The following FBXW4 variants were observed in gnomAD, a reference collection of about 807,000 sequenced individuals.
FBXW4 encodes F-box/WD repeat-containing protein 4.
A neutral mutation model predicts 61.8 loss-of-function variants in FBXW4; 40 were observed. That is an observed-to-expected ratio of 0.65 (90% CI 0.50 to 0.84). FBXW4 has a LOEUF of 0.84. Among genes scored for constraint, FBXW4 ranks in the 40% least tolerant of loss-of-function variants. The probability of loss-of-function intolerance (pLI) is 0.00; values close to 1 mark genes in which losing one functional copy is unlikely to be tolerated. For synonymous variants in FBXW4, 311 were observed against 313.8 expected, an observed-to-expected ratio of 0.99 and a Z score of 0.10; for missense variants, 672 against 753.8, an observed-to-expected ratio of 0.89 and a Z score of 1.27.
intron 6 of FBXW4, among the ~76,000 whole-genome samples, chr10:101,619,541 C>T (rs2063851545): frequency 6.6e-6 from 1 of 152,166 alleles, no homozygotes; most frequent in South Asian, 2.1e-4. Context: ...CACCTGTAGT[C>T]CCAGCTACTC....
chr10:101,627,282 A>G (rs1032100920), intron 5 of FBXW4, among the ~76,000 whole-genome samples: 5 of 152,086 alleles, frequency 3.3e-5, no homozygotes, highest in African/African-American at 1.2e-4. Context: ...ACCACTATGA[A>G]TCAAGGAGAA....
rs2064429980 is a variant in FBXW4 at position 101,677,804 on chromosome 10, AAAG to A, written c.726-1371_726-1369del. On this transcript the variant is annotated intron_variant, in intron 1 of 8. Coordinates refer to ENST00000331272, the MANE Select transcript of FBXW4 (RefSeq NM_022039.4). ...CCCTCTCTAAAAAAAAAAAAAGAGA[AAAG>A]AAATACATCAAATGATACACAAGAT... 2.0e-5 allele frequency among the ~76,000 whole-genome samples: 3 copies of A among 152,170 alleles called. No homozygotes were observed. In the South Asian group the frequency reaches 6.2e-4, roughly 32 times the overall value.
intron 5 of FBXW4, among the ~76,000 whole-genome samples, chr10:101,639,911 T>C (rs1017655872): frequency 2.6e-5 from 4 of 152,222 alleles, no homozygotes; most frequent in African/African-American, 9.6e-5. Context: ...GAGCCAAATA[T>C]TCTGTTTTAT....
At chr10:101,655,395 GT>G (rs1024321826) in intron 5 of FBXW4, among the ~76,000 whole-genome samples, 4 of 152,090 alleles carry the variant, frequency 2.6e-5, no homozygotes, top group Non-Finnish European at 2.9e-5. Context: ...ATAATTTGTG[GT>G]TTTTTTTCCT....
chr10:101,611,487 C>A lies in FBXW4; in HGVS notation c.1585-77G>T. On this transcript the variant is annotated intron_variant, in intron 8 of 8. Transcript: ENST00000331272. The surrounding 1 kb of genome is among the most constrained non-coding windows in gnomAD (Gnocchi z 4.9). ...TGTGCCCTAACCCAGGATCCCCAGG[C>A]CCAGGGGAAGAGGGACGTGTGCCAT... 6.4e-7 allele frequency: 1 copy of A among 1,572,434 alleles called. No homozygotes were observed. Among genetic ancestry groups the A allele is most frequent in the East Asian group, 2.3e-5 (1 of 44,318 alleles).
chr10:101,695,171 G>T, upstream of FBXW4: 1 of 985,458 alleles, frequency 1.0e-6, no homozygotes, highest in Non-Finnish European at 1.2e-6. This position sits in a 1 kb window ranked among gnomAD's most constrained non-coding sequence, Gnocchi z 4.2. Flanking sequence ...GCCCCGGGAG[G>T]AGGCGACACC....
intron 5 of FBXW4, among the ~76,000 whole-genome samples, chr10:101,629,772 T>C (rs765767100): frequency 4.8e-4 from 73 of 151,800 alleles, no homozygotes; most frequent in Non-Finnish European, 5.9e-4. Context: ...TTAGTCTTGT[T>C]TGAATCTCCA....
intron 5 of FBXW4, among the ~76,000 whole-genome samples, chr10:101,651,802 T>C: frequency 6.6e-6 from 1 of 152,054 alleles, no homozygotes; most frequent in East Asian, 1.9e-4. Flanking sequence ...AGGTACCTAG[T>C]AGAGACACCA....
At chr10:101,618,556 A>C (rs2063843529) in intron 6 of FBXW4, among the ~76,000 whole-genome samples, 2 of 152,098 alleles carry the variant, frequency 1.3e-5, no homozygotes, top group South Asian at 2.1e-4. Flanking sequence ...GTGGAGGTGT[A>C]ACATGGGACC....
At chr10:101,681,589 C>T (rs1435010046) in intron 1 of FBXW4, among the ~76,000 whole-genome samples, 4 of 149,812 alleles carry the variant, frequency 2.7e-5, no homozygotes, top group Admixed American at 1.3e-4. Context: ...TGGTGGCGGG[C>T]GCCTGTAGTC....
rs1302895498 is a variant in FBXW4, at chr10:101,611,840, T to C, written c.1443-71A>G. 1.3e-6 allele frequency: 2 copies of C among 1,537,164 alleles called. No individual in the cohort carries two copies. The highest frequency in any genetic ancestry group is 1.8e-6 in the Non-Finnish European group (2 of 1,136,868). On this transcript the variant is annotated intron_variant, in intron 7 of 8. Transcript: ENST00000331272. This position sits in a 1 kb window ranked among gnomAD's most constrained non-coding sequence, Gnocchi z 4.9. Reference sequence around the variant, plus strand: ...ACCTCTACCCCAGCTTTCTTGGGCCTAGAGTGGCTGAGGGGAGCGTTAAGG... The same window carrying C: ...ACCTCTACCCCAGCTTTCTTGGGCCCAGAGTGGCTGAGGGGAGCGTTAAGG...
intron 1 of FBXW4, among the ~76,000 whole-genome samples, chr10:101,678,619 G>A (rs966085187): frequency 2.0e-5 from 3 of 152,040 alleles, no homozygotes; most frequent in African/African-American, 7.2e-5. Context: ...TAGTAGAGAC[G>A]GGGTTTCACC....
chr10:101,665,468 G>C (rs147667651), intron 5 of FBXW4, among the ~76,000 whole-genome samples: 1 of 152,262 alleles, frequency 6.6e-6, no homozygotes, highest in Non-Finnish European at 1.5e-5. Flanking sequence ...GAAGAGGACA[G>C]GAAGACCCTG....
In FBXW4 at chr10:101,659,276, C is replaced by T. The variant is rs1036753230; in HGVS notation, c.1235+8610G>A. 23 of 562,426 alleles carry T rather than the reference C, an allele frequency of 4.1e-5. No homozygotes were observed. In the African/African-American group the frequency reaches 4.5e-4, roughly 11 times the overall value. The allele number at this position is 562,426 out of a possible 1,614,324, so 34.8% of individuals were successfully genotyped here. On this transcript the variant is annotated intron_variant, in intron 5 of 8. Transcript: ENST00000331272. ...GGTGTCCACCTGTTCACAAGGTTACCTGGCATAGAAGGGCAAAACACTCAG... is the reference window on the plus strand; with the variant it reads ...GGTGTCCACCTGTTCACAAGGTTACTTGGCATAGAAGGGCAAAACACTCAG...
At chr10:101,619,011 C>T (rs2063847224) in intron 6 of FBXW4, among the ~76,000 whole-genome samples, 1 of 152,190 alleles carries the variant, frequency 6.6e-6, no homozygotes, top group Non-Finnish European at 1.5e-5. Context: ...ACAGTCAACA[C>T]AAGGCACCTT....
At chr10:101,652,819 T>C (rs1314321598) in intron 5 of FBXW4, among the ~76,000 whole-genome samples, 1 of 152,236 alleles carries the variant, frequency 6.6e-6, no homozygotes, top group Non-Finnish European at 1.5e-5. Context: ...TTGTCCACCA[T>C]CTACTCTGGC....
At chr10:101,633,829 G>A (rs2063978609) in intron 5 of FBXW4, among the ~76,000 whole-genome samples, 1 of 152,114 alleles carries the variant, frequency 6.6e-6, no homozygotes, top group Admixed American at 6.5e-5. Context: ...TAAAAATCCA[G>A]GCTGGGCGTG....
intron 5 of FBXW4, chr10:101,627,933 A>T: frequency 2.0e-6 from 2 of 985,178 alleles, no homozygotes; most frequent in Non-Finnish European, 2.4e-6. Flanking sequence ...CACTGGCCTC[A>T]GTTCTCTAAC....
At chr10:101,616,138 G>A (rs1489897015) in intron 6 of FBXW4, among the ~76,000 whole-genome samples, 1 of 152,160 alleles carries the variant, frequency 6.6e-6, no homozygotes, top group East Asian at 1.9e-4. Context: ...TGTCTGCCAT[G>A]TGCTACCTTG....
Sources: allele counts gnomAD v4.1 joint callset (sites outside exome capture counted in the v4.1 genomes callset), GRCh38; gene constraint gnomAD v4.1.1; non-coding constraint Gnocchi (gnomAD v3.1); transcripts MANE v1.5; gene names NCBI Gene and HGNC (gene_info 2026-07-23, HGNC 2026-07-21).